Variants in NCALD observed in about 807,000 individuals in gnomAD.
NCALD encodes neurocalcin-delta.
A neutral mutation model predicts 18.6 loss-of-function variants in NCALD; 10 were observed. The ratio of observed to expected loss-of-function variants is 0.54; its 90% CI spans 0.33 to 0.91. The LOEUF is 0.91. Ranked by LOEUF, NCALD falls within the 40% of genes least tolerant of loss-of-function variation. NCALD has a pLI of 0.03. For missense variants in NCALD, 184 were observed against 247.6 expected (o/e 0.74, Z 1.72); for synonymous variants, 88 against 87.4 (o/e 1.01, Z -0.04).
At position 101,889,628 on chromosome 8, in the gene NCALD, A is replaced by G. The variant is rs139553096; in HGVS notation, c.-106-2401T>C. Among the ~76,000 whole-genome samples the G allele has an allele frequency of 1.8e-4, 27 of 152,350 alleles. No homozygotes were observed. In the East Asian group the frequency reaches 5.2e-3, roughly 29 times the overall value. ...TTTTACTTTTTAACATGTAGCACTC[A>G]AACATTTGCAAAATTTCTAAATATC... On this transcript the variant is annotated intron_variant, in intron 3 of 6. Coordinates refer to the NCALD transcript ENST00000311028.
intron 4 of NCALD, chr8:101,871,917 G>T: frequency 4.3e-6 from 3 of 705,788 alleles, no homozygotes; most frequent in Middle Eastern, 4.0e-4. Flanking sequence ...GCTTCTTAGG[G>T]TTTTCCTCCA....
chr8:102,101,180 T>C (rs1002347312), intron 1 of NCALD, among the ~76,000 whole-genome samples: 2 of 152,230 alleles, frequency 1.3e-5, no homozygotes, highest in East Asian at 1.9e-4. Context: ...TGAGGACCAG[T>C]GTGCACGCGT....
intron 3 of NCALD, among the ~76,000 whole-genome samples, chr8:101,895,033 T>C (rs1002248824): frequency 4.7e-5 from 7 of 150,356 alleles, no homozygotes; most frequent in African/African-American, 7.5e-5. Flanking sequence ...ATCATTCTGA[T>C]ACCAAAGCCG....
rs75899356 is a variant in NCALD at position 101,700,439 on chromosome 8, A to G, written c.379-7543T>C. ...GGCACAAAAAGCACCTTATTTTTCA[A>G]TGATCCCCATTTAGATGGGTATAGT... On this transcript the variant is annotated intron_variant, in intron 2 of 3. Coordinates refer to ENST00000220931, the MANE Select transcript of NCALD (RefSeq NM_032041.3). Among the ~76,000 whole-genome samples the G allele has an allele frequency of 9.8e-3, 1,494 of 152,220 alleles. 14 individuals carry two copies. The highest frequency in any genetic ancestry group is 0.014 in the South Asian group (68 of 4,824).
At chr8:101,691,633 T>C in intron 3 of NCALD, 1 of 985,420 alleles carries the variant, frequency 1.0e-6, no homozygotes, top group Non-Finnish European at 1.2e-6. Flanking sequence ...TCACAACTAT[T>C]CATTGTGAAT....
chr8:101,993,022 G>A (rs1821108560), intron 2 of NCALD, among the ~76,000 whole-genome samples: 1 of 146,488 alleles, frequency 6.8e-6, no homozygotes, highest in South Asian at 2.3e-4. Flanking sequence ...AGAAACTGGT[G>A]GTCTCATGCT....
At chr8:101,747,087 C>T (rs1371646023) in intron 1 of NCALD, among the ~76,000 whole-genome samples, 1 of 152,216 alleles carries the variant, frequency 6.6e-6, no homozygotes, top group Non-Finnish European at 1.5e-5. Flanking sequence ...CCAGTTTAGA[C>T]ACCTCTGCTT....
intron 4 of NCALD, among the ~76,000 whole-genome samples, chr8:101,876,715 C>T (rs1331754096): frequency 6.6e-6 from 1 of 152,166 alleles, no homozygotes; most frequent in Non-Finnish European, 1.5e-5. Flanking sequence ...GTCACCAGGA[C>T]ATTTACAAGA....
intron 2 of NCALD, among the ~76,000 whole-genome samples, chr8:101,916,110 T>C (rs1817963386): frequency 6.6e-6 from 1 of 152,090 alleles, no homozygotes; most frequent in African/African-American, 2.4e-5. Context: ...GGAATGGACT[T>C]CTGGTTAATA....
chr8:102,062,786 G>A (rs1458844507), intron 1 of NCALD, among the ~76,000 whole-genome samples: 2 of 152,196 alleles, frequency 1.3e-5, no homozygotes, highest in Non-Finnish European at 2.9e-5. Flanking sequence ...AAGGGGCCAA[G>A]CCAATCCACA....
chr8:101,769,419 T>C (rs1330431667), intron 1 of NCALD, among the ~76,000 whole-genome samples: 1 of 152,188 alleles, frequency 6.6e-6, no homozygotes, highest in East Asian at 1.9e-4. Context: ...AAATGAATTA[T>C]AATATACTAC....
At chr8:101,884,463 A>G (rs773989221) in intron 4 of NCALD, among the ~76,000 whole-genome samples, 1 of 152,218 alleles carries the variant, frequency 6.6e-6, no homozygotes, top group Non-Finnish European at 1.5e-5. Context: ...TAAATGAATT[A>G]TGCTTCTAGA....
chr8:102,012,126 C>T (rs1164488095), intron 2 of NCALD, among the ~76,000 whole-genome samples: 1 of 148,316 alleles, frequency 6.7e-6, no homozygotes, highest in Non-Finnish European at 1.5e-5. Flanking sequence ...GCAGAATGCT[C>T]TTCCCTTAAG....
chr8:101,719,829 G>A (rs1284484242), intron 1 of NCALD, among the ~76,000 whole-genome samples, 181 bp from the exon 2 acceptor site: 1 of 152,026 alleles, frequency 6.6e-6, no homozygotes, highest in Non-Finnish European at 1.5e-5. Flanking sequence ...TAGAAAGATA[G>A]GCCAGTAGAG....
At chr8:101,976,226 C>G (rs1232337730) in intron 2 of NCALD, among the ~76,000 whole-genome samples, 2 of 152,184 alleles carry the variant, frequency 1.3e-5, no homozygotes, top group African/African-American at 2.4e-5. Context: ...ATAAACCCTG[C>G]CCTCACTTTC....
intron 1 of NCALD, among the ~76,000 whole-genome samples, chr8:102,049,333 C>T (rs772378912): frequency 1.3e-5 from 2 of 152,192 alleles, no homozygotes; most frequent in Non-Finnish European, 2.9e-5. Flanking sequence ...GACAGTGGTA[C>T]GCATTTAAGT....
chr8:101,920,547 A>AT (rs1468158227), intron 2 of NCALD, among the ~76,000 whole-genome samples: 2 of 152,356 alleles, frequency 1.3e-5, no homozygotes, highest in African/African-American at 4.8e-5. Context: ...CTATGCAGTC[A>AT]TAAAAAAGAA....
intron 2 of NCALD, among the ~76,000 whole-genome samples, chr8:101,998,769 A>C (rs1821331384): frequency 6.6e-6 from 1 of 152,130 alleles, no homozygotes; most frequent in Non-Finnish European, 1.5e-5. Context: ...GACTCTCTTC[A>C]TTCAAACCCT....
intron 1 of NCALD, among the ~76,000 whole-genome samples, chr8:102,106,187 C>T (rs139030733): frequency 5.3e-5 from 8 of 151,520 alleles, no homozygotes; most frequent in South Asian, 2.1e-4. Context: ...CTCCTGCCTC[C>T]GCCTCCCAAG....
Sources: allele counts gnomAD v4.1 joint callset (sites outside exome capture counted in the v4.1 genomes callset), GRCh38; gene constraint gnomAD v4.1.1; transcripts MANE v1.5; gene names NCBI Gene and HGNC (gene_info 2026-07-23, HGNC 2026-07-21).